Variants in PAIP2B observed in about 807,000 individuals in gnomAD.
PAIP2B encodes polyadenylate-binding protein-interacting protein 2B.
PAIP2B carries 13 observed loss-of-function variants against 17.0 expected under a neutral mutation model. That is an observed-to-expected ratio of 0.76 (90% confidence interval 0.50 to 1.22). PAIP2B has a LOEUF of 1.22. Ranked by LOEUF, PAIP2B falls within the 50% of genes most tolerant of loss-of-function variation. The pLI is 0.00. For missense variants in PAIP2B, 117 were observed against 144.5 expected, an observed-to-expected ratio of 0.81 and a Z score of 0.98; for synonymous variants, 43 against 48.7, an observed-to-expected ratio of 0.88 and a Z score of 0.48.
chr2:71,213,185 T>C (rs1675344214), intron 1 of PAIP2B, among the ~76,000 whole-genome samples: 1 of 152,160 alleles, frequency 6.6e-6, no homozygotes, highest in East Asian at 1.9e-4. Context: ...CTTGCCACAG[T>C]GGAATTATCT....
intron 1 of PAIP2B, among the ~76,000 whole-genome samples, chr2:71,204,223 C>G (rs1257379712): frequency 6.6e-6 from 1 of 152,106 alleles, no homozygotes; most frequent in Admixed American, 6.6e-5. Flanking sequence ...CCCTCTCTAA[C>G]TCATCTCTCT....
intron 1 of PAIP2B, among the ~76,000 whole-genome samples, chr2:71,220,817 C>CA (rs1218654409): frequency 6.6e-6 from 1 of 152,194 alleles, no homozygotes; most frequent in Non-Finnish European, 1.5e-5. Flanking sequence ...CTTTCCCCAG[C>CA]ACTCCATATA....
intron 1 of PAIP2B, among the ~76,000 whole-genome samples, chr2:71,209,683 C>T (rs1675240473): frequency 1.3e-5 from 2 of 152,200 alleles, no homozygotes; most frequent in Admixed American, 6.5e-5. Context: ...ATGCATCAAA[C>T]TCCAACTTTC....
chr2:71,204,186 G>GTGTATT (rs1342376162), intron 1 of PAIP2B, among the ~76,000 whole-genome samples: 1 of 150,694 alleles, frequency 6.6e-6, no homozygotes, highest in Non-Finnish European at 1.5e-5. Context: ...ATAAATACCT[G>GTGTATT]AGGCTTAATT....
intron 1 of PAIP2B, among the ~76,000 whole-genome samples, chr2:71,208,190 G>A (rs1018038161): frequency 1.4e-4 from 21 of 152,102 alleles, no homozygotes; most frequent in African/African-American, 4.6e-4. Flanking sequence ...TTGGGAGGCC[G>A]AGGGAGGTGG....
intron 2 of PAIP2B, among the ~76,000 whole-genome samples, chr2:71,190,612 C>T (rs1674664750): frequency 6.6e-6 from 1 of 152,152 alleles, no homozygotes; most frequent in Non-Finnish European, 1.5e-5. Context: ...AAGGTCTCCG[C>T]AGATGTTCTA....
rs1674590916 is a variant in PAIP2B, at chr2:71,188,179, A to C, written c.*300T>G. ...GTCAGCTTATTTTGTTTAAATACAC[A>C]CCGCGGAACACTTCTGATGAAGGGG... is the stretch of plus-strand genomic sequence containing the variant. On this transcript the variant is annotated 3_prime_UTR_variant, in exon 4 of 4. Coordinates refer to ENST00000244221, the MANE Select transcript of PAIP2B (RefSeq NM_020459.1). The C allele has an allele frequency of 1.1e-5, 4 of 362,286 alleles. No homozygotes were observed. The highest frequency in any genetic ancestry group is 5.2e-5 in the East Asian group (1 of 19,126). The allele number at this position is 362,286 out of a possible 1,614,324, so 22.4% of individuals were successfully genotyped here.
chr2:71,205,897 G>A (rs1185640772), intron 1 of PAIP2B, among the ~76,000 whole-genome samples: 4 of 152,132 alleles, frequency 2.6e-5, no homozygotes, highest in Admixed American at 1.3e-4. Context: ...GCTCATGGGA[G>A]AGGAAATGAA....
At chr2:71,226,247 A>G (rs2103840203) in intron 1 of PAIP2B, among the ~76,000 whole-genome samples, 1 of 152,262 alleles carries the variant, frequency 6.6e-6, no homozygotes, top group African/African-American at 2.4e-5. Flanking sequence ...TGCCTCTCTC[A>G]GTTCACCTTC....
In PAIP2B at chr2:71,188,426, A is replaced by T; in HGVS notation, c.*53T>A. ...CCTCTTCAGCTCCACCATTTTGTGC[A>T]TTACTATCCCCAGATGTGGGGACAG... On this transcript the variant is annotated 3_prime_UTR_variant, in exon 4 of 4. Coordinates refer to ENST00000244221, the MANE Select transcript of PAIP2B (RefSeq NM_020459.1). 1 of 1,488,098 alleles carries T rather than the reference A, an allele frequency of 6.7e-7. No individual in the cohort carries two copies. Among genetic ancestry groups the T allele is most frequent in the Non-Finnish European group, 9.2e-7 (1 of 1,082,920 alleles). 92.2% of individuals were successfully genotyped at this position (1,488,098 alleles called of 1,614,324 possible).
At chr2:71,196,769 TCCTTC>T (rs1674832366) in intron 2 of PAIP2B, among the ~76,000 whole-genome samples, 1 of 152,140 alleles carries the variant, frequency 6.6e-6, no homozygotes, top group Non-Finnish European at 1.5e-5. Flanking sequence ...TTATGTAATG[TCCTTC>T]CCTTGTCTTT....
At chr2:71,213,657 A>AT (rs1381796507) in intron 1 of PAIP2B, among the ~76,000 whole-genome samples, 1 of 152,170 alleles carries the variant, frequency 6.6e-6, no homozygotes, top group Non-Finnish European at 1.5e-5. Flanking sequence ...GAGTCTGTGG[A>AT]TTTTTTGGTG....
At chr2:71,202,690 G>C (rs1675016394) in intron 1 of PAIP2B, 90 bp from the exon 2 acceptor site, 2 of 1,153,588 alleles carry the variant, frequency 1.7e-6, no homozygotes, top group Non-Finnish European at 2.5e-6. Context: ...AGAAGCTTCT[G>C]AAATTCTAAG....
At chr2:71,198,346 C>G (rs371295051) in intron 2 of PAIP2B, among the ~76,000 whole-genome samples, 1 of 142,666 alleles carries the variant, frequency 7.0e-6, no homozygotes, top group South Asian at 2.3e-4. Context: ...AGTGCAGTGG[C>G]GCGATCTCGG....
rs1292678097 is a variant in PAIP2B at position 71,187,709 on chromosome 2, G to A, written c.*770C>T. 2.0e-5 allele frequency: 3 copies of A among 152,332 alleles called. No homozygotes were observed. The highest frequency in any genetic ancestry group is 7.2e-5 in the African/African-American group (3 of 41,554). The allele number at this position is 152,332 out of a possible 1,614,324, so 9.4% of individuals were successfully genotyped here. A position where few individuals can be genotyped will look rare whatever the true frequency, so the allele number is the denominator to read the frequency against. On this transcript the variant is annotated 3_prime_UTR_variant, in exon 4 of 4. Coordinates refer to ENST00000244221, the MANE Select transcript of PAIP2B (RefSeq NM_020459.1). ...CTGGGGAATAGACTTCATGAAAGAT[G>A]AGGTGGCAGATCAACCCTAGTGCTC...
intron 1 of PAIP2B, among the ~76,000 whole-genome samples, chr2:71,205,908 C>T (rs912759984): frequency 6.6e-6 from 1 of 152,128 alleles, no homozygotes; most frequent in Non-Finnish European, 1.5e-5. Context: ...AGGAAATGAA[C>T]CATCATGTAA....
chr2:71,190,057 C>T, intron 2 of PAIP2B, 36 bp from the exon 3 acceptor site: 3 of 1,573,448 alleles, frequency 1.9e-6, no homozygotes, highest in Non-Finnish European at 2.6e-6. Context: ...GACTTACTGT[C>T]ACAGCAAGAC....
chr2:71,195,957 A>G (rs1273729041), intron 2 of PAIP2B, among the ~76,000 whole-genome samples: 1 of 152,108 alleles, frequency 6.6e-6, no homozygotes, highest in African/African-American at 2.4e-5. Context: ...ACTTTTTTCA[A>G]AAAACCAACT....
At chr2:71,212,348 G>C (rs1035453101) in intron 1 of PAIP2B, among the ~76,000 whole-genome samples, 2 of 152,156 alleles carry the variant, frequency 1.3e-5, no homozygotes, top group African/African-American at 4.8e-5. Flanking sequence ...TATAACCTTG[G>C]AAGTTTCTTG....
Sources: gnomAD v4.1 joint callset for allele counts (sites outside exome capture counted in the v4.1 genomes callset) on GRCh38, gnomAD v4.1.1 for gene constraint, MANE v1.5 for transcripts, NCBI Gene and HGNC (gene_info 2026-07-23, HGNC 2026-07-21) for gene names.